The following LEF1 variants were observed in gnomAD, a reference collection of about 807,000 sequenced individuals.
LEF1 encodes the protein lymphoid enhancer-binding factor 1.
Under a neutral mutation model 51.2 loss-of-function variants are expected in LEF1, and 14 were observed. The observed-to-expected ratio is 0.27, with a 90% CI of 0.18 to 0.43. The LOEUF (loss-of-function observed/expected upper bound fraction) is 0.43. Ranked by LOEUF, LEF1 falls within the 20% of genes least tolerant of loss-of-function variation. The probability of loss-of-function intolerance (pLI) is 1.00; values close to 1 mark genes in which losing one functional copy is unlikely to be tolerated. For missense variants in LEF1, 386 were observed against 512.0 expected (o/e 0.75, Z 2.37); for synonymous variants, 185 against 183.2 (o/e 1.01, Z -0.08).
intron 3 of LEF1, among the ~76,000 whole-genome samples, chr4:108,163,007 T>G (rs1289978867): frequency 6.6e-6 from 1 of 152,044 alleles, no homozygotes; most frequent in East Asian, 1.9e-4. Flanking sequence ...AAGGAACAAC[T>G]TTCATTAGGG....
At chr4:108,107,093 T>C (rs1397036248) in intron 3 of LEF1, among the ~76,000 whole-genome samples, 1 of 152,142 alleles carries the variant, frequency 6.6e-6, no homozygotes, top group Non-Finnish European at 1.5e-5. Context: ...CTCATTGATC[T>C]TGCTCGAAAG....
At chr4:108,145,397 A>G (rs561057232) in intron 3 of LEF1, among the ~76,000 whole-genome samples, 2 of 152,250 alleles carry the variant, frequency 1.3e-5, no homozygotes, top group Admixed American at 1.3e-4. Context: ...AGAAATTATC[A>G]ATTTTATTTG....
chr4:108,138,528 C>CACA (rs1553958370), intron 3 of LEF1, among the ~76,000 whole-genome samples: 4 of 151,862 alleles, frequency 2.6e-5, no homozygotes, highest in Non-Finnish European at 5.9e-5. Context: ...CACACACACA[C>CACA]GAGTATGCCT....
intron 3 of LEF1, among the ~76,000 whole-genome samples, chr4:108,103,933 T>A (rs930352291): frequency 4.6e-5 from 7 of 152,170 alleles, no homozygotes; most frequent in Non-Finnish European, 2.9e-5. Flanking sequence ...TCTGAAAGAA[T>A]TGAAATCATA....
intron 3 of LEF1, among the ~76,000 whole-genome samples, chr4:108,105,232 G>A (rs1275241961): frequency 6.8e-6 from 1 of 147,484 alleles, no homozygotes; most frequent in Non-Finnish European, 1.5e-5. Flanking sequence ...CCAGGCTGGA[G>A]TGCAGTGGCA....
intron 9 of LEF1, among the ~76,000 whole-genome samples, chr4:108,068,549 T>C (rs1345452931): frequency 6.6e-6 from 1 of 152,222 alleles, no homozygotes; most frequent in African/African-American, 2.4e-5. Flanking sequence ...CATCAGCATA[T>C]GGTAGTTATT....
intron 3 of LEF1, among the ~76,000 whole-genome samples, chr4:108,139,378 AT>A (rs1743501763): frequency 1.3e-5 from 2 of 152,280 alleles, no homozygotes; most frequent in Non-Finnish European, 2.9e-5. Flanking sequence ...GAGTTTATAT[AT>A]AGAACATGCA....
At chr4:108,105,122 G>A (rs112851762) in intron 3 of LEF1, among the ~76,000 whole-genome samples, 3,136 of 150,774 alleles carry the variant, frequency 0.021, 53 homozygotes, top group Middle Eastern at 0.06. Flanking sequence ...ATGGGTTTAC[G>A]TTTTTCCTAC....
At chr4:108,111,863 G>A (rs548798834) in intron 3 of LEF1, among the ~76,000 whole-genome samples, 12 of 152,314 alleles carry the variant, frequency 7.9e-5, no homozygotes, top group African/African-American at 2.4e-4. Flanking sequence ...CTGTGATTGC[G>A]CCACTGTACT....
intron 3 of LEF1, among the ~76,000 whole-genome samples, chr4:108,109,291 G>A (rs1478505165): frequency 6.6e-6 from 1 of 152,190 alleles, no homozygotes; most frequent in East Asian, 1.9e-4. Context: ...ACAGACAGAA[G>A]CTAAACGCTG....
intron 9 of LEF1, among the ~76,000 whole-genome samples, chr4:108,064,716 A>AT (rs1737954186): frequency 6.7e-6 from 1 of 150,294 alleles, no homozygotes; most frequent in African/African-American, 2.5e-5. Context: ...AGCTGTGGCC[A>AT]TAGAGCCTTC....
Position 108,083,466 on chromosome 4 carries a change from G to A in LEF1, c.548-20C>T, listed in dbSNP as rs1174432211. 1 of 1,498,512 alleles carries A rather than the reference G, an allele frequency of 6.7e-7. No homozygotes were observed. The highest frequency in any genetic ancestry group is 9.2e-7 in the Non-Finnish European group (1 of 1,084,456). The allele number at this position is 1,498,512 out of a possible 1,614,324, so 92.8% of individuals were successfully genotyped here. A position where few individuals can be genotyped will look rare whatever the true frequency, so the allele number is the denominator to read the frequency against. ...ACATGCCTGTTAAACAGAACAGAGA[G>A]GTATCATTTACAGATTCACAGGATA... On this transcript the variant is annotated intron_variant, in intron 4 of 11. Coordinates refer to ENST00000265165, the MANE Select transcript of LEF1 (RefSeq NM_016269.5).
intron 3 of LEF1, among the ~76,000 whole-genome samples, chr4:108,120,003 G>A (rs200784859): frequency 0.44 from 65,333 of 147,778 alleles, 16,269 homozygotes; most frequent in Middle Eastern, 0.67. Context: ...ATGTGTGTGT[G>A]TGTGTGTGTG....
intron 4 of LEF1, 31 bp downstream of exon 4, chr4:108,089,094 A>G: frequency 6.2e-7 from 1 of 1,613,378 alleles, no homozygotes; most frequent in East Asian, 2.2e-5. Flanking sequence ...TTTGGCAAAA[A>G]AAAAGGGCCT....
chr4:108,070,509 G>A, intron 9 of LEF1, 154 bp downstream of exon 9: 1 of 459,606 alleles, frequency 2.2e-6, no homozygotes, highest in Non-Finnish European at 3.9e-6. Context: ...CTTTCATAAT[G>A]CAATATATCC....
intron 3 of LEF1, among the ~76,000 whole-genome samples, chr4:108,149,283 C>T (rs1361259787): frequency 6.7e-6 from 1 of 149,998 alleles, no homozygotes; most frequent in Non-Finnish European, 1.5e-5. Context: ...CGCGGTGAAA[C>T]CCCGCCTCTA....
chr4:108,157,197 C>T (rs1245477321), intron 3 of LEF1, among the ~76,000 whole-genome samples: 1 of 150,114 alleles, frequency 6.7e-6, no homozygotes, highest in African/African-American at 2.5e-5. Context: ...CACACACACA[C>T]ACACACACAC....
chr4:108,103,551 A>G (rs1205096941), intron 3 of LEF1, among the ~76,000 whole-genome samples: 1 of 152,190 alleles, frequency 6.6e-6, no homozygotes. Flanking sequence ...ACCTTGTTAC[A>G]TCTAATTCTT....
intron 3 of LEF1, among the ~76,000 whole-genome samples, chr4:108,158,634 G>A (rs1421588125): frequency 1.3e-5 from 2 of 151,500 alleles, no homozygotes; most frequent in Non-Finnish European, 2.9e-5. Context: ...ACATAAATGA[G>A]GAACAAAAGG....
Sources: allele counts gnomAD v4.1 joint callset (sites outside exome capture counted in the v4.1 genomes callset), GRCh38; gene constraint gnomAD v4.1.1; transcripts MANE v1.5; gene names NCBI Gene and HGNC (gene_info 2026-07-23, HGNC 2026-07-21).